Variants in ATAD2 observed in about 807,000 individuals in gnomAD.
ATAD2 encodes ATPase family AAA domain containing 2.
Under a neutral mutation model 168.9 loss-of-function variants are expected in ATAD2, and 62 were observed. That is an observed-to-expected ratio of 0.37 (90% confidence interval 0.30 to 0.45). The LOEUF is 0.45. ATAD2 is among the 20% of genes least tolerant of loss of function. The pLI, the probability that ATAD2 is intolerant of heterozygous loss-of-function variation, is 1.00. For missense variants in ATAD2, 1,419 were observed against 1,667.8 expected, an observed-to-expected ratio of 0.85 and a Z score of 2.60; for synonymous variants, 613 against 571.6, an observed-to-expected ratio of 1.07 and a Z score of -1.03.
intron 2 of ATAD2, among the ~76,000 whole-genome samples, chr8:123,378,261 T>C (rs909941941): frequency 6.6e-6 from 1 of 152,008 alleles, no homozygotes; most frequent in African/African-American, 2.4e-5. Context: ...TTTCATAAAA[T>C]ACAGTATAAA....
At chr8:123,373,047 C>G (rs1163660217) in intron 2 of ATAD2, among the ~76,000 whole-genome samples, 1 of 152,034 alleles carries the variant, frequency 6.6e-6, no homozygotes, top group Non-Finnish European at 1.5e-5. Flanking sequence ...CTCCTGTCAT[C>G]TCGCCCGGCT....
intron 25 of ATAD2, among the ~76,000 whole-genome samples, chr8:123,326,570 T>A (rs1185610445): frequency 6.6e-6 from 1 of 151,768 alleles, no homozygotes; most frequent in African/African-American, 2.4e-5. Flanking sequence ...CCCAGCTGCT[T>A]GGGAGGCTGA....
intron 9 of ATAD2, 99 bp from the exon 10 acceptor site, chr8:123,359,784 C>A: frequency 1.2e-6 from 1 of 808,976 alleles, no homozygotes; most frequent in Non-Finnish European, 1.9e-6. Flanking sequence ...AAAAAAAAAT[C>A]TAAATTTCAA....
intron 13 of ATAD2, among the ~76,000 whole-genome samples, chr8:123,353,989 C>T (rs559594563): frequency 6.6e-6 from 1 of 152,202 alleles, no homozygotes; most frequent in East Asian, 1.9e-4. Context: ...AAAAAATTAG[C>T]TAAGTGTGCT....
intron 22 of ATAD2, among the ~76,000 whole-genome samples, chr8:123,335,735 G>A (rs750849800): frequency 6.6e-6 from 1 of 151,950 alleles, no homozygotes; most frequent in Admixed American, 6.6e-5. Context: ...TTTGTTACAG[G>A]CACAGACTGC....
At chr8:123,410,908 T>C (rs530486837) in intron 1 of ATAD2, among the ~76,000 whole-genome samples, 25 of 152,366 alleles carry the variant, frequency 1.6e-4, no homozygotes, top group African/African-American at 6.0e-4. Context: ...TGTTCCTGCA[T>C]GGCTAAGTGC....
chr8:123,384,513 A>T lies in ATAD2; in HGVS notation c.172-3836T>A, dbSNP rs192002580. Among the ~76,000 whole-genome samples, 28 of 151,934 alleles carry T rather than the reference A, an allele frequency of 1.8e-4. No individual in the cohort carries two copies. In the East Asian group the frequency reaches 4.3e-3, roughly 23 times the overall value. Reference sequence around the variant, plus strand: ...ACTCTGGTCACAGGTAGAAGTCCAGACTCTCCCCTAGCAATGTCTTCAGAA... The same window carrying T: ...ACTCTGGTCACAGGTAGAAGTCCAGTCTCTCCCCTAGCAATGTCTTCAGAA... On this transcript the variant is annotated intron_variant, in intron 1 of 27. Transcript: ENST00000287394.
chr8:123,373,788 C>CAA lies in ATAD2; in HGVS notation c.321-1104_321-1103dup, dbSNP rs11285869. The stretch of plus-strand genomic sequence containing the variant: ...TGGGCAACAGAGTGACACCTCGCCT[C>CAA]AAAAAAAAAAAAAAAAAAAAAAATC... On this transcript the variant is annotated intron_variant, in intron 2 of 27. Transcript: ENST00000287394. 2.9e-3 allele frequency among the ~76,000 whole-genome samples: 214 copies of CAA among 72,844 alleles called. 1 individual carries two copies. Among genetic ancestry groups the CAA allele is most frequent in the African/African-American group, 8.6e-3 (177 of 20,650 alleles). 47.8% of individuals were successfully genotyped at this position (72,844 alleles called of 152,430 possible).
intron 4 of ATAD2, 120 bp from the exon 5 acceptor site, chr8:123,371,458 G>C (rs1241430596): frequency 1.2e-6 from 1 of 862,262 alleles, no homozygotes; most frequent in African/African-American, 1.7e-5. Flanking sequence ...TTTATAAGAA[G>C]CATTGATTTA....
At chr8:123,395,802 G>C (rs1021058949) in intron 1 of ATAD2, among the ~76,000 whole-genome samples, 1 of 152,138 alleles carries the variant, frequency 6.6e-6, no homozygotes. Flanking sequence ...AAAGCAGTCA[G>C]GGGATGCGTG....
At position 123,402,062 on chromosome 8, in the gene ATAD2, G is replaced by T. The variant is rs1159352117; in HGVS notation, c.-2281-887C>A. The T allele has an allele frequency of 2.0e-6, 3 of 1,488,144 alleles. No homozygotes were observed. Among genetic ancestry groups the T allele is most frequent in the Non-Finnish European group, 2.8e-6 (3 of 1,071,656 alleles). The allele number at this position is 1,488,144 out of a possible 1,614,324, so 92.2% of individuals were successfully genotyped here. ...GAAGCGTACCATGTCGGCCCAGATT[G>T]AGGGTGGCGTCCATGGCCTGCACTC... On this transcript the variant is annotated intron_variant, in intron 1 of 28. Transcript: ENST00000521903. This position sits in a 1 kb window ranked among gnomAD's most constrained non-coding sequence, Gnocchi z 4.8.
rs750212451 is a variant in ATAD2, at chr8:123,348,255, T to C, written c.1825A>G (p.Lys609Glu). ...PDKEARKEIL[K>E]IHTRDWNPKP... The stretch of plus-strand genomic sequence containing the variant: ...GGATTCCAATCCCTGGTGTGAATCT[T>C]TAGAATCTCTTTTCGAGCCTATGAA... The change falls in exon 15 of 28, where the codon AAG becomes GAG. Residue 609 changes from lysine (K) to glutamate (E), a missense_variant. Coordinates refer to ENST00000287394, the MANE Select transcript of ATAD2 (RefSeq NM_014109.4). The C allele has an allele frequency of 6.3e-7, 1 of 1,597,000 alleles. No homozygotes were observed.
chr8:123,375,787 A>G (rs1829290698), intron 2 of ATAD2, among the ~76,000 whole-genome samples: 1 of 152,182 alleles, frequency 6.6e-6, no homozygotes, highest in Admixed American at 6.5e-5. Context: ...CCTGGCCAAC[A>G]TGGTGAAACT....
upstream of ATAD2, chr8:123,400,618 G>A (rs1164782680): frequency 2.6e-5 from 16 of 624,354 alleles, no homozygotes; most frequent in Non-Finnish European, 4.2e-5. This position sits in a 1 kb window ranked among gnomAD's most constrained non-coding sequence, Gnocchi z 4.5. Context: ...CTGCGTGCCC[G>A]AGGACGGGCT....
intron 5 of ATAD2, 65 bp downstream of exon 5, chr8:123,371,171 A>G (rs1351428398): frequency 1.5e-6 from 2 of 1,300,000 alleles, no homozygotes; most frequent in African/African-American, 3.0e-5. Flanking sequence ...TGAAAAATGG[A>G]TTAGGTACTA....
intron 19 of ATAD2, 163 bp downstream of exon 19, chr8:123,344,721 C>T: frequency 1.4e-6 from 1 of 733,314 alleles, no homozygotes; most frequent in Non-Finnish European, 2.3e-6. Context: ...TACCATCTTG[C>T]CCAATGAGCA....
chr8:123,401,305 C>T (rs143933473), upstream of ATAD2: 383 of 1,285,326 alleles, frequency 3.0e-4, 2 homozygotes, highest in East Asian at 7.8e-3. Context: ...TGAGCAGCTG[C>T]TGTGTGGGGC....
chr8:123,337,689 A>G lies in ATAD2; in HGVS notation c.2987T>C (p.Val996Ala). The G allele has an allele frequency of 6.2e-7, 1 of 1,613,836 alleles. No homozygotes were observed. The highest frequency in any genetic ancestry group is 8.5e-7 in the Non-Finnish European group (1 of 1,179,900). ...CTTGTCAATAGCAAGCCTATGTGTA[A>G]CATTTCTTAAGAAAATCCTCAGTTC... ...FRELRIFLRN[V>A]THRLAIDKRF... Residue 996 changes from valine (V) to alanine (A), a missense_variant, in exon 21 of 28, where the codon GTT becomes GCT. By Grantham distance (64) the Val-to-Ala change is moderately conservative. Transcript: ENST00000287394.
upstream of ATAD2, among the ~76,000 whole-genome samples, chr8:123,398,233 T>C (rs926070671): frequency 6.8e-6 from 1 of 146,080 alleles, no homozygotes; most frequent in Non-Finnish European, 1.5e-5. Flanking sequence ...GTTCTTTTTT[T>C]TTTTTTTTTT....
Sources: gnomAD v4.1 joint callset for allele counts (sites outside exome capture counted in the v4.1 genomes callset) on GRCh38, gnomAD v4.1.1 for gene constraint, Gnocchi (gnomAD v3.1) non-coding constraint, MANE v1.5 for transcripts, NCBI Gene and HGNC (gene_info 2026-07-23, HGNC 2026-07-21) for gene names.